Variants in RPS6KA3 observed in about 807,000 individuals in gnomAD.
RPS6KA3 encodes ribosomal protein S6 kinase A3, also known as ribosomal protein S6 kinase alpha-3.
Under a neutral mutation model 67.2 loss-of-function variants are expected in RPS6KA3, and 4 were observed. That is an observed-to-expected ratio of 0.06 (90% CI 0.03 to 0.14). The LOEUF is 0.14. Ranked by LOEUF, RPS6KA3 falls within the 10% of genes least tolerant of loss-of-function variation. RPS6KA3 has a pLI of 1.00. For missense variants in RPS6KA3, 204 were observed against 559.0 expected, an observed-to-expected ratio of 0.36 and a Z score of 6.40; for synonymous variants, 182 against 183.7, an observed-to-expected ratio of 0.99 and a Z score of 0.07.
intron 2 of RPS6KA3, among the ~76,000 whole-genome samples, chrX:20,230,204 C>T (rs1190718529): frequency 8.9e-6 from 1 of 112,052 alleles, no homozygotes; most frequent in Non-Finnish European, 1.9e-5. Context: ...CAACTGGGTA[C>T]TGGGCACAGA....
chrX:20,181,637 C>G (rs1191768610), intron 10 of RPS6KA3, among the ~76,000 whole-genome samples: 1 of 111,714 alleles, frequency 9.0e-6, no homozygotes, highest in Non-Finnish European at 1.9e-5. Flanking sequence ...TACTACATCT[C>G]AAGTATGAGT....
intron 4 of RPS6KA3, among the ~76,000 whole-genome samples, chrX:20,200,860 T>G (rs1403795345): frequency 1.8e-5 from 2 of 110,581 alleles, no homozygotes; most frequent in African/African-American, 6.6e-5. Flanking sequence ...TTATTCTATT[T>G]TTTGTAGAGA....
rs1483546381 is a variant in RPS6KA3, at chrX:20,167,742, A to G, written c.1449T>C (p.Tyr483=). 1 of 1,095,871 alleles carries G rather than the reference A, an allele frequency of 9.1e-7. No homozygotes were observed. The highest frequency in any genetic ancestry group is 1.8e-5 in the South Asian group (1 of 54,289). 90.3% of individuals were successfully genotyped at this position (1,095,871 alleles called of 1,213,427 possible). A position where few individuals can be genotyped will look rare whatever the true frequency, so the allele number is the denominator to read the frequency against. Residue 483 remains tyrosine (Y), a synonymous_variant, in exon 17 of 22, where the codon TAT becomes TAC. Transcript: ENST00000379565. The stretch of plus-strand genomic sequence containing the variant: ...CTACATACACATACTTTCCATCATC[A>G]TATACCTATAAATTTCAACATCAAA... ...HPNIITLKDV[Y]DDGKYVYVVT...
At chrX:20,167,350 T>C (rs1463425777) in intron 17 of RPS6KA3, among the ~76,000 whole-genome samples, 2 of 111,554 alleles carry the variant, frequency 1.8e-5, no homozygotes, top group South Asian at 3.8e-4. Context: ...GTTTTCCAGG[T>C]CGGAAGAGAT....
At chrX:20,203,788 A>C in intron 4 of RPS6KA3, 1 of 357,404 alleles carries the variant, frequency 2.8e-6, no homozygotes, top group East Asian at 4.3e-5. Flanking sequence ...TTACTTGTAT[A>C]AAACTCAATA....
chrX:20,165,447 C>A (rs2067410114), intron 17 of RPS6KA3, among the ~76,000 whole-genome samples: 1 of 111,612 alleles, frequency 9.0e-6, no homozygotes, highest in Non-Finnish European at 1.9e-5. Flanking sequence ...CTGGCCTTTC[C>A]ATGCTAGGAG....
intron 2 of RPS6KA3, among the ~76,000 whole-genome samples, chrX:20,231,718 T>C (rs1420632279): frequency 1.8e-5 from 2 of 111,133 alleles, no homozygotes; most frequent in Non-Finnish European, 3.8e-5. Flanking sequence ...CATATTGGAG[T>C]GGGATGGTCC....
intron 1 of RPS6KA3, among the ~76,000 whole-genome samples, chrX:20,245,352 C>T (rs1163837361): frequency 8.9e-6 from 1 of 112,138 alleles, no homozygotes; most frequent in African/African-American, 3.2e-5. Context: ...CTAAGTATAA[C>T]TTTTTCTTCC....
chrX:20,191,446 ACT>A (rs2068125211), intron 7 of RPS6KA3, among the ~76,000 whole-genome samples: 1 of 111,690 alleles, frequency 9.0e-6, no homozygotes, highest in Non-Finnish European at 1.9e-5. Context: ...GAATCGCCAC[ACT>A]GTCTTCCACA....
At chrX:20,263,265 CA>C (rs2070283644) in intron 1 of RPS6KA3, among the ~76,000 whole-genome samples, 1 of 111,703 alleles carries the variant, frequency 9.0e-6, no homozygotes, top group Non-Finnish European at 1.9e-5. Context: ...GCTTATGATC[CA>C]CTAAATGCTG....
At chrX:20,179,163 C>T (rs897252839) in intron 10 of RPS6KA3, among the ~76,000 whole-genome samples, 1 of 111,760 alleles carries the variant, frequency 8.9e-6, no homozygotes, top group African/African-American at 3.3e-5. Context: ...AAAATGATTT[C>T]CTGGTTTCTG....
chrX:20,260,309 A>G, intron 1 of RPS6KA3, among the ~76,000 whole-genome samples: 1 of 112,054 alleles, frequency 8.9e-6, no homozygotes, highest in Non-Finnish European at 1.9e-5. Flanking sequence ...AGTGTAAGAT[A>G]CACTATTATT....
intron 2 of RPS6KA3, among the ~76,000 whole-genome samples, chrX:20,223,052 G>C (rs1390534270): frequency 9.0e-6 from 1 of 111,620 alleles, no homozygotes; most frequent in Non-Finnish European, 1.9e-5. Flanking sequence ...TATTAATATT[G>C]TCACTTAATT....
At chrX:20,200,729 C>T (rs776291816) in intron 4 of RPS6KA3, among the ~76,000 whole-genome samples, 70 of 111,277 alleles carry the variant, frequency 6.3e-4, no homozygotes, top group Non-Finnish European at 7.0e-4. Flanking sequence ...CTCCCTCTAC[C>T]CAGGGTGGAG....
At chrX:20,178,487 T>G (rs1279807239) in intron 10 of RPS6KA3, among the ~76,000 whole-genome samples, 1 of 106,346 alleles carries the variant, frequency 9.4e-6, no homozygotes, top group Non-Finnish European at 1.9e-5. Flanking sequence ...ATCAGTTTTT[T>G]TTTTTTTTTT....
chrX:20,200,552 C>A (rs1320735326), intron 4 of RPS6KA3, among the ~76,000 whole-genome samples: 1 of 112,084 alleles, frequency 8.9e-6, no homozygotes, highest in African/African-American at 3.2e-5. Context: ...AATATCTATA[C>A]AATTTTACAT....
chrX:20,178,442 G>A (rs1290501363), intron 10 of RPS6KA3, among the ~76,000 whole-genome samples: 1 of 105,832 alleles, frequency 9.4e-6, no homozygotes, highest in Non-Finnish European at 1.9e-5. Context: ...AAAATACACT[G>A]CATATAAAAA....
chrX:20,244,239 C>T (rs1603431107), intron 1 of RPS6KA3, among the ~76,000 whole-genome samples: 2 of 111,813 alleles, frequency 1.8e-5, no homozygotes, highest in South Asian at 3.7e-4. Flanking sequence ...TCTTGGCTCA[C>T]TGCAGCTTCA....
chrX:20,170,449 C>T (rs59903426), intron 15 of RPS6KA3, among the ~76,000 whole-genome samples: 105 of 111,036 alleles, frequency 9.5e-4, no homozygotes, highest in African/African-American at 3.3e-3. Context: ...ACCAATTACA[C>T]GTGGATTTTC....
Sources: gnomAD v4.1 joint callset for allele counts (sites outside exome capture counted in the v4.1 genomes callset) on GRCh38, gnomAD v4.1.1 for gene constraint, MANE v1.5 for transcripts, NCBI Gene and HGNC (gene_info 2026-07-23, HGNC 2026-07-21) for gene names.